The following S100Z variants were observed in gnomAD, a reference collection of about 807,000 sequenced individuals.
S100Z encodes protein S100-Z.
A neutral mutation model predicts 8.5 loss-of-function variants in S100Z; 11 were observed. That is an observed-to-expected ratio of 1.30 (90% CI 0.82 to 2.15). The LOEUF is 2.15. Among genes scored for constraint, S100Z ranks in the 30% most tolerant of loss-of-function variants. The pLI is 0.00. For missense variants in S100Z, 126 were observed against 117.9 expected (o/e 1.07, Z -0.32); for synonymous variants, 34 against 43.8 (o/e 0.78, Z 0.89).
intron 4 of S100Z, among the ~76,000 whole-genome samples, chr5:76,911,704 T>C (rs926904170): frequency 1.3e-5 from 2 of 152,184 alleles, no homozygotes; most frequent in Non-Finnish European, 2.9e-5. Context: ...ACTTTCTAGC[T>C]AATCAAGGGT....
chr5:76,897,571 C>G (rs1339621284), intron 4 of S100Z, among the ~76,000 whole-genome samples: 3 of 151,928 alleles, frequency 2.0e-5, no homozygotes, highest in Non-Finnish European at 4.4e-5. Flanking sequence ...ATTGCTTTGG[C>G]TAGTATAGAC....
intron 1 of S100Z, among the ~76,000 whole-genome samples, chr5:76,850,584 CT>C (rs1341829046): frequency 6.6e-6 from 1 of 152,180 alleles, no homozygotes; most frequent in Non-Finnish European, 1.5e-5. Context: ...CGTGATTTCG[CT>C]TCTTTTTCCT....
chr5:76,879,365 G>A (rs188159381), intron 4 of S100Z, among the ~76,000 whole-genome samples: 122 of 152,286 alleles, frequency 8.0e-4, no homozygotes, highest in African/African-American at 2.9e-3. Context: ...AAAAATGACA[G>A]CTCTCTGGTT....
At chr5:76,892,602 G>A (rs758560835) in intron 4 of S100Z, among the ~76,000 whole-genome samples, 23 of 151,986 alleles carry the variant, frequency 1.5e-4, no homozygotes, top group Non-Finnish European at 3.2e-4. Context: ...AAGAGGGTTT[G>A]GGGACTTCCA....
chr5:76,903,413 T>C (rs947193456), intron 4 of S100Z, among the ~76,000 whole-genome samples: 4 of 152,346 alleles, frequency 2.6e-5, no homozygotes, highest in South Asian at 2.1e-4. Context: ...TTTATTGCTG[T>C]GTAGTCTTTC....
At chr5:76,880,655 A>G (rs6872982) in intron 4 of S100Z, among the ~76,000 whole-genome samples, 97,009 of 152,056 alleles carry the variant, frequency 0.64, 31,366 homozygotes, top group Admixed American at 0.67. Context: ...AGAAAAACAG[A>G]TATTAAAGGA....
At chr5:76,851,166 G>T (rs1750717708) in intron 1 of S100Z, among the ~76,000 whole-genome samples, 1 of 152,216 alleles carries the variant, frequency 6.6e-6, no homozygotes, top group Non-Finnish European at 1.5e-5. Context: ...GGCATCGGAG[G>T]CTTCCCTGGA....
At chr5:76,873,822 T>C (rs1743089339) in intron 2 of S100Z, among the ~76,000 whole-genome samples, 1 of 152,216 alleles carries the variant, frequency 6.6e-6, no homozygotes, top group East Asian at 1.9e-4. Flanking sequence ...AAAAGCACAG[T>C]GGCCAATATC....
rs779461454 is a variant in S100Z at position 76,877,278 on chromosome 5, C to T, written c.142-396C>T. ...ATAAATAAAAGCATTTAAAATGTTA[C>T]GCGATTTGCTCAAATTCGCTCGTTG... On this transcript the variant is annotated intron_variant, in intron 3 of 4. Transcript: ENST00000317593. Among the ~76,000 whole-genome samples the T allele has an allele frequency of 3.0e-4, 45 of 152,256 alleles. No homozygotes were observed. In the South Asian group the frequency reaches 4.8e-3, roughly 16 times the overall value.
chr5:76,930,106 A>C, the S100Z span, among the ~76,000 whole-genome samples: 1 of 152,268 alleles, frequency 6.6e-6, no homozygotes, highest in African/African-American at 2.4e-5. Flanking sequence ...TCCCACAAAG[A>C]GTAGTTTTTC....
At chr5:76,864,377 GCATA>G (rs1370437246) in intron 1 of S100Z, among the ~76,000 whole-genome samples, 1 of 136,424 alleles carries the variant, frequency 7.3e-6, no homozygotes, top group Non-Finnish European at 1.5e-5. Context: ...ACTGCTTAAT[GCATA>G]CTATATTTTT....
intron 4 of S100Z, among the ~76,000 whole-genome samples, chr5:76,909,168 G>A (rs569213444): frequency 2.5e-4 from 38 of 152,210 alleles, no homozygotes; most frequent in East Asian, 1.9e-4. Context: ...GGACCGTTAC[G>A]GGTTCTTGGG....
rs957764633 is a variant in S100Z at position 76,877,740 on chromosome 5, G to A, written c.208G>A (p.Val70Met). The A allele has an allele frequency of 1.2e-6, 2 of 1,611,430 alleles. No individual in the cohort carries two copies. Among genetic ancestry groups the A allele is most frequent in the Admixed American group, 1.7e-5 (1 of 60,018 alleles). ...CCTGGATGCCAATAAGGACAACGAA[G>A]TGGATTTTAATGAATTCGTGGTCAT... The part of the protein sequence containing the change: ...QDLDANKDNE[V>M]DFNEFVVMVA... The change falls in exon 4 of 5, where the codon GTG (valine) becomes ATG (methionine). Residue 70 changes from valine to methionine, a missense_variant. Transcript: ENST00000317593.
intron 4 of S100Z, among the ~76,000 whole-genome samples, chr5:76,887,095 C>T (rs1743671922): frequency 6.7e-6 from 1 of 149,898 alleles, no homozygotes; most frequent in Non-Finnish European, 1.5e-5. Flanking sequence ...TCTTTCTTTT[C>T]TTTTCTTTTT....
chr5:76,904,401 C>T (rs1744350426), intron 4 of S100Z, among the ~76,000 whole-genome samples: 1 of 152,164 alleles, frequency 6.6e-6, no homozygotes, highest in Non-Finnish European at 1.5e-5. Context: ...CTGCCTCAGC[C>T]TCCTGAGCAG....
At chr5:76,898,031 T>G (rs1312525605) in intron 4 of S100Z, among the ~76,000 whole-genome samples, 2 of 152,228 alleles carry the variant, frequency 1.3e-5, no homozygotes, top group Admixed American at 1.3e-4. Context: ...TGCATAACAG[T>G]GGTGACACTG....
At chr5:76,936,616 TACACACACACAC>T in the S100Z span, among the ~76,000 whole-genome samples, 146 of 134,132 alleles carry the variant, frequency 1.1e-3, no homozygotes, top group Middle Eastern at 3.6e-3. Context: ...TTAAAGTTCC[TACACACACACAC>T]ACACACACAC....
intron 2 of S100Z, among the ~76,000 whole-genome samples, chr5:76,872,187 C>A (rs1054923124): frequency 5.3e-5 from 8 of 151,974 alleles, no homozygotes; most frequent in Non-Finnish European, 1.2e-4. Flanking sequence ...TTCGAGGCTG[C>A]AGTGAGCCAT....
chr5:76,941,029 T>C, the S100Z span, among the ~76,000 whole-genome samples: 1 of 152,152 alleles, frequency 6.6e-6, no homozygotes, highest in Non-Finnish European at 1.5e-5. Flanking sequence ...GAACCCTGAC[T>C]AATACAGTTC....
Sources: gnomAD v4.1 joint callset for allele counts (sites outside exome capture counted in the v4.1 genomes callset) on GRCh38, gnomAD v4.1.1 for gene constraint, MANE v1.5 for transcripts, NCBI Gene and HGNC (gene_info 2026-07-23, HGNC 2026-07-21) for gene names.